Variants in CILK1 observed in about 807,000 individuals in gnomAD.
CILK1 encodes the protein ciliogenesis associated kinase 1.
Under a neutral mutation model 79.2 loss-of-function variants are expected in CILK1, and 47 were observed. The observed-to-expected ratio is 0.59, with a 90% confidence interval of 0.47 to 0.76. The LOEUF (loss-of-function observed/expected upper bound fraction) is 0.76. Ranked by LOEUF, CILK1 falls within the 30% of genes least tolerant of loss-of-function variation. CILK1 has a pLI of 0.00. For missense variants in CILK1, 660 were observed against 769.5 expected (o/e 0.86, Z 1.68); for synonymous variants, 266 against 275.9 (o/e 0.96, Z 0.36).
intron 5 of CILK1, among the ~76,000 whole-genome samples, chr6:53,021,544 T>C (rs950806310): frequency 7.9e-5 from 12 of 152,144 alleles, no homozygotes; most frequent in African/African-American, 2.9e-4. Context: ...CTGAACTCCT[T>C]TCACTCTACC....
At chr6:53,052,481 C>T (rs749717837) in intron 1 of CILK1, among the ~76,000 whole-genome samples, 60 of 152,134 alleles carry the variant, frequency 3.9e-4, no homozygotes, top group Non-Finnish European at 7.4e-4. Flanking sequence ...ACCTGTAATC[C>T]CAACACTTTG....
chr6:53,019,993 T>C lies in CILK1; in HGVS notation c.359-634A>G, dbSNP rs16883365. Among the ~76,000 whole-genome samples, 962 of 152,218 alleles carry C rather than the reference T, an allele frequency of 6.3e-3. 15 individuals carry two copies. The highest frequency in any genetic ancestry group is 0.021 in the African/African-American group (858 of 41,542). On this transcript the variant is annotated intron_variant, in intron 5 of 13. Coordinates refer to ENST00000676107, the MANE Select transcript of CILK1 (RefSeq NM_014920.5). ...GGCCCAGATAACTGTCTGATGGGAA[T>C]TGAGAGTTTATACCACAGCAGAAAC...
chr6:53,016,247 C>A lies in CILK1; in HGVS notation c.667G>T (p.Asp223Tyr), dbSNP rs1764888451. Reference sequence around the variant, plus strand: ...GAAAGTTGATAGCCTTCAGGCCAGTCAGTCTGAAAGAAGGAAAAGATAGAA... The same window carrying A: ...GAAAGTTGATAGCCTTCAGGCCAGTAAGTCTGAAAGAAGGAAAAGATAGAA... The part of the protein sequence containing the change: ...CQVLGTPKKT[D>Y]WPEGYQLSSA... Residue 223 changes from aspartate to tyrosine, a missense_variant, in exon 8 of 14, where the codon GAC (aspartate) becomes TAC (tyrosine). By Grantham distance (160) the Asp-to-Tyr change is radical. Transcript: ENST00000676107. 6.2e-7 allele frequency: 1 copy of A among 1,613,948 alleles called. No homozygotes were observed. The highest frequency in any genetic ancestry group is 1.1e-5 in the South Asian group (1 of 91,040).
At chr6:53,014,025 A>G in intron 8 of CILK1, 43 bp from the exon 9 acceptor site, 1 of 1,481,894 alleles carries the variant, frequency 6.7e-7, no homozygotes, top group South Asian at 1.1e-5. Context: ...TCTAGCCAGG[A>G]AAGTTACCAC....
At chr6:53,010,552 C>G (rs901668829) in intron 11 of CILK1, among the ~76,000 whole-genome samples, 1 of 152,228 alleles carries the variant, frequency 6.6e-6, no homozygotes, top group African/African-American at 2.4e-5. Context: ...ATGCCTCATA[C>G]TACACATTAC....
intron 5 of CILK1, among the ~76,000 whole-genome samples, chr6:53,023,607 C>T (rs1765389762): frequency 6.6e-6 from 1 of 152,166 alleles, no homozygotes; most frequent in Non-Finnish European, 1.5e-5. Flanking sequence ...GGCAGGAACT[C>T]TAGTAGGACT....
chr6:53,005,411 G>A, intron 13 of CILK1, 108 bp from the exon 14 acceptor site: 1 of 1,196,792 alleles, frequency 8.4e-7, no homozygotes, highest in Non-Finnish European at 1.2e-6. Context: ...GAGTTCAAGA[G>A]GAGCATCTTG....
chr6:53,060,480 CAG>C (rs1283836863), intron 1 of CILK1, among the ~76,000 whole-genome samples: 1 of 152,122 alleles, frequency 6.6e-6, no homozygotes, highest in Non-Finnish European at 1.5e-5. Context: ...AAAAAGTGGG[CAG>C]AGTCACTTAG....
In CILK1 at chr6:53,016,777, A is replaced by G. The variant is rs565936571; in HGVS notation, c.664-527T>C. ...TTCCACTTTTTCATGCATCATTTCT[A>G]TGGGACACTAAATGCTGGAGGGAAT... On this transcript the variant is annotated intron_variant, in intron 7 of 13. Coordinates refer to ENST00000676107, the MANE Select transcript of CILK1 (RefSeq NM_014920.5). Among the ~76,000 whole-genome samples the G allele has an allele frequency of 7.2e-5, 11 of 152,332 alleles. No individual in the cohort carries two copies. In the South Asian group the frequency reaches 2.3e-3, roughly 32 times the overall value.
At chr6:53,018,584 G>T in intron 6 of CILK1, 83 bp from the exon 7 acceptor site, 1 of 1,335,884 alleles carries the variant, frequency 7.5e-7, no homozygotes, top group Non-Finnish European at 1.1e-6. Context: ...TCAGTGAGGG[G>T]GTGTATATGT....
intron 5 of CILK1, among the ~76,000 whole-genome samples, chr6:53,027,733 A>C (rs1182344063): frequency 6.6e-6 from 1 of 152,234 alleles, no homozygotes; most frequent in Non-Finnish European, 1.5e-5. Context: ...GGCTGGGTGC[A>C]GTGGCTCACT....
At chr6:53,016,468 A>G (rs1304646590) in intron 7 of CILK1, among the ~76,000 whole-genome samples, 1 of 152,144 alleles carries the variant, frequency 6.6e-6, no homozygotes, top group Non-Finnish European at 1.5e-5. Context: ...GAATAGTGGA[A>G]AAGACACTGG....
At chr6:53,047,265 A>G (rs930127327) in intron 1 of CILK1, among the ~76,000 whole-genome samples, 3 of 152,096 alleles carry the variant, frequency 2.0e-5, no homozygotes, top group Admixed American at 6.6e-5. Context: ...GGGCCCAATT[A>G]TGAACGAGTA....
At chr6:53,031,511 T>C (rs1765961945) in intron 4 of CILK1, among the ~76,000 whole-genome samples, 1 of 152,184 alleles carries the variant, frequency 6.6e-6, no homozygotes, top group South Asian at 2.1e-4. Context: ...AGATGATATT[T>C]GTTCATTCAG....
intron 13 of CILK1, among the ~76,000 whole-genome samples, chr6:53,005,887 G>T (rs1581932985): frequency 1.3e-5 from 2 of 152,128 alleles, no homozygotes. Flanking sequence ...CCACACTCTG[G>T]CCTCCTTGCT....
intron 3 of CILK1, among the ~76,000 whole-genome samples, chr6:53,033,306 G>C (rs1377462766): frequency 6.6e-6 from 1 of 152,192 alleles, no homozygotes; most frequent in Non-Finnish European, 1.5e-5. Flanking sequence ...AGGAATGAGA[G>C]GGTGGCTCAG....
At chr6:53,033,108 A>T (rs1289591640) in intron 3 of CILK1, among the ~76,000 whole-genome samples, 1 of 152,226 alleles carries the variant, frequency 6.6e-6, no homozygotes, top group Non-Finnish European at 1.5e-5. Flanking sequence ...AAAACGACGA[A>T]GGGTTGATGG....
chr6:53,024,872 G>A lies in CILK1; in HGVS notation c.359-5513C>T, dbSNP rs1028103642. ...TTTGTAAGACAGAGTCTTGCTGGTC[G>A]CCCAGGCTGGAGTGAAGTGGCACCA... On this transcript the variant is annotated intron_variant, in intron 5 of 13. Transcript: ENST00000676107. Among the ~76,000 whole-genome samples, 75 of 140,338 alleles carry A rather than the reference G, an allele frequency of 5.3e-4. 1 individual carries two copies. The highest frequency in any genetic ancestry group is 1.8e-3 in the African/African-American group (67 of 37,634). The allele number at this position is 140,338 out of a possible 152,430, so 92.1% of individuals were successfully genotyped here.
rs2127394166 is a variant in CILK1, at chr6:53,002,527, A to G, written c.*2622T>C. 1 of 152,376 alleles carries G rather than the reference A, an allele frequency of 6.6e-6. No homozygotes were observed. Among genetic ancestry groups the G allele is most frequent in the African/African-American group, 2.4e-5 (1 of 41,596 alleles). 9.4% of individuals were successfully genotyped at this position (152,376 alleles called of 1,614,324 possible). ...CTGCAGGTTCTCAGTCAGAACAGAA[A>G]CAGAGAGACAAAAGAAATGGTTACT... is the stretch of plus-strand genomic sequence containing the variant. On this transcript the variant is annotated 3_prime_UTR_variant, in exon 14 of 14. Coordinates refer to ENST00000676107, the MANE Select transcript of CILK1 (RefSeq NM_014920.5).
Sources: allele counts gnomAD v4.1 joint callset (sites outside exome capture counted in the v4.1 genomes callset), GRCh38; gene constraint gnomAD v4.1.1; transcripts MANE v1.5; gene names NCBI Gene and HGNC (gene_info 2026-07-23, HGNC 2026-07-21).